The following LRRC17 variants were observed in gnomAD, a reference collection of about 807,000 sequenced individuals.
LRRC17 encodes the protein leucine-rich repeat-containing protein 17.
In LRRC17, 33 loss-of-function variants were observed where a neutral mutation model predicts 41.5. The ratio of observed to expected loss-of-function variants is 0.80; its 90% CI spans 0.60 to 1.06. The LOEUF is 1.06. LRRC17 is among the 50% of genes least tolerant of loss of function. The pLI is 0.00. For synonymous variants in LRRC17, 192 were observed against 197.0 expected, an observed-to-expected ratio of 0.97 and a Z score of 0.21; for missense variants, 491 against 519.3, an observed-to-expected ratio of 0.95 and a Z score of 0.53.
At chr7:102,940,182 C>A (rs1821118266) in intron 3 of LRRC17, among the ~76,000 whole-genome samples, 2 of 151,336 alleles carry the variant, frequency 1.3e-5, no homozygotes, top group Admixed American at 6.6e-5. Flanking sequence ...GCATGAGCCA[C>A]CGCGCCTGGC....
At chr7:102,940,746 G>A (rs750980690) in intron 3 of LRRC17, among the ~76,000 whole-genome samples, 3 of 152,166 alleles carry the variant, frequency 2.0e-5, no homozygotes, top group Non-Finnish European at 2.9e-5. Flanking sequence ...TGGCGAAAAT[G>A]AGCTTGGTAA....
intron 1 of LRRC17, among the ~76,000 whole-genome samples, chr7:102,916,521 AG>A (rs1198490722): frequency 6.6e-6 from 1 of 152,198 alleles, no homozygotes; most frequent in Admixed American, 6.5e-5. Context: ...GTGGCCCTGT[AG>A]GCCTTTCTAG....
At chr7:102,914,628 T>C (rs1043153903) in intron 1 of LRRC17, among the ~76,000 whole-genome samples, 1 of 152,224 alleles carries the variant, frequency 6.6e-6, no homozygotes, top group African/African-American at 2.4e-5. Context: ...CTATATGATA[T>C]AATGATTTGC....
chr7:102,914,470 T>C (rs752033089), intron 1 of LRRC17, among the ~76,000 whole-genome samples: 2 of 152,218 alleles, frequency 1.3e-5, no homozygotes, highest in Admixed American at 6.5e-5. Flanking sequence ...AACAGCTTAA[T>C]AGCAAATTAG....
rs185417213 is a variant in LRRC17, at chr7:102,925,919, C to T, written c.-140-7855C>T. Among the ~76,000 whole-genome samples, 11 of 135,392 alleles carry T rather than the reference C, an allele frequency of 8.1e-5. No individual in the cohort carries two copies. The East Asian group carries it at 2.0e-3, about 24-fold the overall frequency. The allele number at this position is 135,392 out of a possible 152,430, so 88.8% of individuals were successfully genotyped here. ...TCATGCCACTGCACTGCAGCCTGGGCGACAGAGCAAGACTCTGTCTCAAAA... is the reference window on the plus strand; with the variant it reads ...TCATGCCACTGCACTGCAGCCTGGGTGACAGAGCAAGACTCTGTCTCAAAA... On this transcript the variant is annotated intron_variant, in intron 1 of 3. Coordinates refer to ENST00000339431, the MANE Select transcript of LRRC17 (RefSeq NM_001031692.3).
chr7:102,915,123 T>TATA (rs1554454401), intron 1 of LRRC17, among the ~76,000 whole-genome samples: 2 of 75,842 alleles, frequency 2.6e-5, no homozygotes, highest in African/African-American at 1.2e-4. Flanking sequence ...GATTAAAATA[T>TATA]TTTTTTTTTT....
intron 1 of LRRC17, among the ~76,000 whole-genome samples, chr7:102,930,726 G>C (rs1819009846): frequency 6.6e-6 from 1 of 151,970 alleles, no homozygotes; most frequent in Non-Finnish European, 1.5e-5. Flanking sequence ...CATTCCGTAA[G>C]GCTCAACTTT....
chr7:102,913,027 G>A lies in LRRC17; in HGVS notation c.-259G>A. 6.2e-7 allele frequency: 1 copy of A among 1,610,730 alleles called. No homozygotes were observed. Among genetic ancestry groups the A allele is most frequent in the African/African-American group, 1.3e-5 (1 of 74,944 alleles). ...TAGTATAACGTGAGGGCTGAATGCA[G>A]CCCATTCTCTGGAGAACTTCCTCAC... On this transcript the variant is annotated 5_prime_UTR_variant, in exon 1 of 4. Transcript: ENST00000339431.
Position 102,913,093 on chromosome 7 carries a change from C to T in LRRC17, c.-193C>T. The T allele has an allele frequency of 6.2e-7, 1 of 1,614,120 alleles. No individual in the cohort carries two copies. Among genetic ancestry groups the T allele is most frequent in the Non-Finnish European group, 8.5e-7 (1 of 1,179,994 alleles). ...GAAGACTGAAAGACAAACCTGGGTG[C>T]AGCCAGAGAGGTCCAGATAGATGAG... On this transcript the variant is annotated 5_prime_UTR_variant, in exon 1 of 4. Coordinates refer to ENST00000339431, the MANE Select transcript of LRRC17 (RefSeq NM_001031692.3).
At chr7:102,938,457 A>T (rs1451447582) in intron 2 of LRRC17, among the ~76,000 whole-genome samples, 1 of 152,198 alleles carries the variant, frequency 6.6e-6, no homozygotes, top group Admixed American at 6.5e-5. Flanking sequence ...CTAAATGGGG[A>T]AATTACCTGG....
intron 1 of LRRC17, among the ~76,000 whole-genome samples, chr7:102,913,455 A>G (rs927827637): frequency 8.5e-5 from 13 of 152,238 alleles, no homozygotes; most frequent in African/African-American, 2.9e-4. Context: ...TAATAGTTCA[A>G]TAATATTTGC....
intron 1 of LRRC17, among the ~76,000 whole-genome samples, chr7:102,921,466 G>C (rs369607968): frequency 9.2e-5 from 14 of 151,950 alleles, no homozygotes; most frequent in African/African-American, 3.1e-4. Flanking sequence ...GATCACCTGA[G>C]GTCAGGAGTT....
At chr7:102,922,426 G>C (rs569707169) in intron 1 of LRRC17, among the ~76,000 whole-genome samples, 2 of 151,846 alleles carry the variant, frequency 1.3e-5, no homozygotes, top group Non-Finnish European at 2.9e-5. Context: ...TTAATTATTG[G>C]TTTACTGATA....
chr7:102,943,967 A>G (rs1415460976), intron 3 of LRRC17, among the ~76,000 whole-genome samples: 1 of 152,224 alleles, frequency 6.6e-6, no homozygotes, highest in Non-Finnish European at 1.5e-5. Flanking sequence ...CTTGCATCAT[A>G]AAGGTGACAA....
In LRRC17 at chr7:102,944,425, G is replaced by T; in HGVS notation, c.1144G>T (p.Glu382Ter). The change falls in exon 4 of 4, where the codon GAA becomes TAA. Residue 382 changes from glutamate (E) to a stop codon, truncating the protein, a stop_gained. Coordinates refer to ENST00000339431, the MANE Select transcript of LRRC17 (RefSeq NM_001031692.3). LOFTEE classifies it high-confidence loss of function. ...TAATGGCCTGGAATGCAAAACGCCT[G>T]AAGAATACAAAGGATGGTCTGTGGG... is the stretch of plus-strand genomic sequence containing the variant. ...HFNGLECKTP[E>*]EYKGWSVGKY... is the part of the protein sequence containing the mutation. 1 of 1,613,994 alleles carries T rather than the reference G, an allele frequency of 6.2e-7. No individual in the cohort carries two copies. Among genetic ancestry groups the T allele is most frequent in the Non-Finnish European group, 8.5e-7 (1 of 1,179,958 alleles).
chr7:102,929,432 C>A (rs1386786865), intron 1 of LRRC17, among the ~76,000 whole-genome samples: 1 of 151,954 alleles, frequency 6.6e-6, no homozygotes, highest in African/African-American at 2.4e-5. Flanking sequence ...GAGGCCGAGG[C>A]GGGTGGATCA....
intron 3 of LRRC17, 61 bp downstream of exon 3, chr7:102,939,646 G>A (rs1022492204): frequency 1.4e-6 from 2 of 1,444,022 alleles, no homozygotes; most frequent in African/African-American, 1.4e-5. Context: ...TTTTTCTATG[G>A]CAACACTTAT....
At chr7:102,933,658 C>T (rs370127068) in intron 1 of LRRC17, 116 bp from the exon 2 acceptor site, 6 of 260,646 alleles carry the variant, frequency 2.3e-5, no homozygotes, top group African/African-American at 8.9e-5. Context: ...GAGCTTTCTA[C>T]GTCACTGTTC....
At chr7:102,926,132 C>CA in intron 1 of LRRC17, 1 of 659,066 alleles carries the variant, frequency 1.5e-6, no homozygotes, top group Non-Finnish European at 2.5e-6. Context: ...GACTTGAAAG[C>CA]AGCAGACCCC....
Sources: gnomAD v4.1 joint callset for allele counts (sites outside exome capture counted in the v4.1 genomes callset) on GRCh38, gnomAD v4.1.1 for gene constraint, MANE v1.5 for transcripts, NCBI Gene and HGNC (gene_info 2026-07-23, HGNC 2026-07-21) for gene names.